The following MIER1 variants were observed in gnomAD, a reference collection of about 807,000 sequenced individuals.
MIER1 encodes the protein MIER1 transcriptional regulator, also known as mesoderm induction early response protein 1.
MIER1 carries 40 observed loss-of-function variants against 75.7 expected under a neutral mutation model. The observed-to-expected ratio is 0.53, with a 90% CI of 0.41 to 0.69. MIER1 has a LOEUF of 0.69. Ranked by LOEUF, MIER1 falls within the 30% of genes least tolerant of loss-of-function variation. The pLI, the probability that MIER1 is intolerant of heterozygous loss-of-function variation, is 0.00. For synonymous variants in MIER1, 213 were observed against 223.4 expected (o/e 0.95, Z 0.42); for missense variants, 574 against 680.2 (o/e 0.84, Z 1.74).
intron 4 of MIER1, among the ~76,000 whole-genome samples, chr1:66,952,136 A>G (rs766635106): frequency 7.9e-5 from 12 of 152,320 alleles, no homozygotes; most frequent in African/African-American, 2.4e-4. Flanking sequence ...AAAATGTACA[A>G]CTTGCCACAT....
intron 5 of MIER1, 97 bp downstream of exon 5, chr1:66,958,317 C>CTCTTA: frequency 1.1e-6 from 1 of 879,764 alleles, no homozygotes; most frequent in Non-Finnish European, 1.6e-6. Flanking sequence ...ATAATCTTTT[C>CTCTTA]CTGATTTTAA....
chr1:66,968,371 G>GTGCTA (rs1662853249), intron 8 of MIER1, among the ~76,000 whole-genome samples: 1 of 152,110 alleles, frequency 6.6e-6, no homozygotes, highest in South Asian at 2.1e-4. Context: ...GGACAGTGCT[G>GTGCTA]ATTAGTGCAT....
Position 66,930,511 on chromosome 1 carries a change from T to A in MIER1, c.168+4269T>A, listed in dbSNP as rs1004198993. 4 of 1,136,916 alleles carry A rather than the reference T, an allele frequency of 3.5e-6. No homozygotes were observed. In the African/African-American group the frequency reaches 4.9e-5, roughly 14 times the overall value. The allele number at this position is 1,136,916 out of a possible 1,614,324, so 70.4% of individuals were successfully genotyped here. ...AGAGGCCCGGCCCTGCTGGCGCCGC[T>A]GCCCACCTGTTGTCCGGAACAGGCC... On this transcript the variant is annotated intron_variant, in intron 2 of 13. Transcript: ENST00000401041.
At position 66,958,960 on chromosome 1, in the gene MIER1, G is replaced by A. The variant is rs762169502; in HGVS notation, c.611G>A (p.Arg204His). The A allele has an allele frequency of 9.3e-6, 15 of 1,612,384 alleles. No homozygotes were observed. Among genetic ancestry groups the A allele is most frequent in the Middle Eastern group, 1.6e-4 (1 of 6,080 alleles). ...SQDAQEIIRP[R>H]RCKYFDTNSE... Reference sequence around the variant, plus strand: ...GATGCCCAGGAAATAATCCGCCCACGTCGATGTAAATATTTTGATACAAGT... The same window carrying A: ...GATGCCCAGGAAATAATCCGCCCACATCGATGTAAATATTTTGATACAAGT... The change falls in exon 6 of 14, where the codon CGT becomes CAT. Residue 204 changes from arginine (R) to histidine (H), a missense_variant. By Grantham distance (29) the Arg-to-His change is conservative. This residue lies in a region of MIER1 where 309 missense variants were observed against 352.8 expected (regional missense o/e 0.88). Transcript: ENST00000401041.
At chr1:66,978,317 A>G (rs962923099) in intron 12 of MIER1, among the ~76,000 whole-genome samples, 1 of 152,052 alleles carries the variant, frequency 6.6e-6, no homozygotes, top group Non-Finnish European at 1.5e-5. Flanking sequence ...TCACTTCCTT[A>G]GAAGGTCAAA....
chr1:66,936,608 ATTG>A (rs908552011), intron 2 of MIER1, among the ~76,000 whole-genome samples: 1 of 152,078 alleles, frequency 6.6e-6, no homozygotes, highest in Non-Finnish European at 1.5e-5. Flanking sequence ...CCAGGAAGGT[ATTG>A]TTAAGATAAC....
chr1:66,949,011 C>T (rs1386504705), intron 4 of MIER1, among the ~76,000 whole-genome samples: 2 of 152,156 alleles, frequency 1.3e-5, no homozygotes, highest in Non-Finnish European at 2.9e-5. Flanking sequence ...GATTCAAAAA[C>T]AGTTATAAGG....
chr1:66,984,142 C>T (rs1666439570), intron 13 of MIER1, among the ~76,000 whole-genome samples: 3 of 152,222 alleles, frequency 2.0e-5, no homozygotes, highest in South Asian at 2.1e-4. Flanking sequence ...ATTCATCTTG[C>T]TTTTACGTGG....
At chr1:66,948,960 T>G (rs1012778458) in intron 4 of MIER1, among the ~76,000 whole-genome samples, 1 of 152,182 alleles carries the variant, frequency 6.6e-6, no homozygotes, top group East Asian at 1.9e-4. Context: ...TTGAAGAACT[T>G]GAAGTCAGAA....
Position 66,972,998 on chromosome 1 carries a change from A to G in MIER1, c.1101+7A>G. On this transcript the variant is annotated splice_region_variant and intron_variant, in intron 11 of 13. Coordinates refer to ENST00000401041, the MANE Select transcript of MIER1 (RefSeq NM_001077700.3). ...TTTGATTCAGGCTAATAAAGTAAGT[A>G]ATGATAATCTCTTTTTTGCAAAAAG... 6.6e-7 allele frequency: 1 copy of G among 1,523,708 alleles called. No homozygotes were observed. The highest frequency in any genetic ancestry group is 9.1e-7 in the Non-Finnish European group (1 of 1,100,874). The allele number at this position is 1,523,708 out of a possible 1,614,324, so 94.4% of individuals were successfully genotyped here. A position where few individuals can be genotyped will look rare whatever the true frequency, so the allele number is the denominator to read the frequency against.
chr1:66,958,820 T>A, intron 5 of MIER1, 31 bp from the exon 6 acceptor site: 1 of 1,574,222 alleles, frequency 6.4e-7, no homozygotes, highest in Non-Finnish European at 8.7e-7. Flanking sequence ...TTTCCTTACA[T>A]CTTAGAGAAA....
chr1:66,959,155 G>A (rs1163948666), intron 6 of MIER1, among the ~76,000 whole-genome samples, 172 bp downstream of exon 6: 1 of 152,102 alleles, frequency 6.6e-6, no homozygotes, highest in Admixed American at 6.5e-5. Context: ...CCTGTTGTTA[G>A]TGAATATACT....
chr1:66,961,797 A>G (rs1408675387), intron 7 of MIER1, among the ~76,000 whole-genome samples: 1 of 152,242 alleles, frequency 6.6e-6, no homozygotes, highest in African/African-American at 2.4e-5. Flanking sequence ...CTCTTTTTAT[A>G]GTAGAAGACA....
intron 3 of MIER1, among the ~76,000 whole-genome samples, chr1:66,940,800 G>C (rs1043473143): frequency 2.2e-4 from 33 of 152,142 alleles, no homozygotes; most frequent in African/African-American, 7.7e-4. Flanking sequence ...TAATTCATTG[G>C]AGTTGAAGCA....
chr1:66,958,102 A>G lies in MIER1; in HGVS notation c.383A>G (p.Tyr128Cys), dbSNP rs777941869. ...CATGAACTTCTCAGCCTTTATGGTTATGGTAGTACTGTTCGACTACCTGAA... is the reference window on the plus strand; with the variant it reads ...CATGAACTTCTCAGCCTTTATGGTTGTGGTAGTACTGTTCGACTACCTGAA... ...PIHELLSLYGYGSTVRLPEED... is the reference protein window; with the variant it reads ...PIHELLSLYGCGSTVRLPEED... Residue 128 changes from tyrosine (Y) to cysteine (C), a missense_variant, in exon 5 of 14, where the codon TAT (tyrosine) becomes TGT (cysteine). Around this residue, in one of 3 missense-constraint regions of MIER1, gnomAD observed 309 missense variants for 352.8 expected, o/e 0.88. Coordinates refer to ENST00000401041, the MANE Select transcript of MIER1 (RefSeq NM_001077700.3). 6.2e-6 allele frequency: 10 copies of G among 1,608,180 alleles called. No individual in the cohort carries two copies. Among genetic ancestry groups the G allele is most frequent in the Non-Finnish European group, 2.5e-6 (3 of 1,176,582 alleles).
At position 66,981,862 on chromosome 1, in the gene MIER1, G is replaced by C. The variant is rs1245385114; in HGVS notation, c.1313G>C (p.Ser438Thr). The C allele has an allele frequency of 6.2e-7, 1 of 1,613,926 alleles. No homozygotes were observed. The highest frequency in any genetic ancestry group is 1.3e-5 in the African/African-American group (1 of 74,924). ...APSPPPTASN[S>T]SNSQSEKEDG... ...TCCCCTCCCCCAACTGCATCAAACA[G>C]TAGTAACAGCCAGTCTGAGAAAGAA... is the stretch of plus-strand genomic sequence containing the variant. The change falls in exon 13 of 14, where the codon AGT becomes ACT. Residue 438 changes from serine to threonine, a missense_variant. Transcript: ENST00000401041.
chr1:66,946,881 T>C (rs1028015830), intron 4 of MIER1: 1 of 985,266 alleles, frequency 1.0e-6, no homozygotes, highest in Non-Finnish European at 1.2e-6. Flanking sequence ...AGTACACCAC[T>C]GTCTGGTTTT....
chr1:66,963,765 T>C (rs1220450858), intron 8 of MIER1, among the ~76,000 whole-genome samples: 7 of 151,790 alleles, frequency 4.6e-5, no homozygotes, highest in Non-Finnish European at 2.9e-5. Context: ...AAAATTAGCC[T>C]GGCGTCGTGG....
At chr1:66,962,401 C>G (rs1045471369) in intron 7 of MIER1, among the ~76,000 whole-genome samples, 4 of 152,194 alleles carry the variant, frequency 2.6e-5, no homozygotes, top group South Asian at 2.1e-4. Flanking sequence ...CTTTGAAGCT[C>G]TGTTTTTCAG....
Sources: gnomAD v4.1 joint callset for allele counts (sites outside exome capture counted in the v4.1 genomes callset) on GRCh38, gnomAD v4.1.1 for gene constraint, gnomAD v4.1.1 regional missense constraint, MANE v1.5 for transcripts, NCBI Gene and HGNC (gene_info 2026-07-23, HGNC 2026-07-21) for gene names.